The following RAB3C variants were observed in gnomAD, a reference collection of about 807,000 sequenced individuals.
The protein encoded by RAB3C is ras-related protein Rab-3C.
Under a neutral mutation model 26.4 loss-of-function variants are expected in RAB3C, and 17 were observed. That is an observed-to-expected ratio of 0.64 (90% CI 0.44 to 0.97). The LOEUF (loss-of-function observed/expected upper bound fraction) is 0.97. RAB3C is among the 50% of genes least tolerant of loss of function. RAB3C has a pLI of 0.00. For synonymous variants in RAB3C, 91 were observed against 95.9 expected, an observed-to-expected ratio of 0.95 and a Z score of 0.30; for missense variants, 242 against 281.9, an observed-to-expected ratio of 0.86 and a Z score of 1.01.
At chr5:58,817,516 T>C (rs1253027103) in intron 3 of RAB3C, among the ~76,000 whole-genome samples, 1 of 152,202 alleles carries the variant, frequency 6.6e-6, no homozygotes, top group East Asian at 1.9e-4. Context: ...TCTGGTTTCT[T>C]AGTATTACTC....
intron 2 of RAB3C, among the ~76,000 whole-genome samples, chr5:58,683,638 A>G (rs1748390175): frequency 6.6e-6 from 1 of 152,228 alleles, no homozygotes; most frequent in Non-Finnish European, 1.5e-5. Flanking sequence ...AAAAGTGTAA[A>G]TGGAAAATTC....
chr5:58,836,760 C>A (rs1051535688), intron 4 of RAB3C, among the ~76,000 whole-genome samples: 2 of 152,162 alleles, frequency 1.3e-5, no homozygotes, highest in African/African-American at 4.8e-5. Flanking sequence ...ATATACACCA[C>A]ATTTTTTAAT....
chr5:58,640,903 T>A (rs1747400556), intron 2 of RAB3C, among the ~76,000 whole-genome samples: 1 of 152,258 alleles, frequency 6.6e-6, no homozygotes. Context: ...ACAGTTTTAG[T>A]TGAGTTACCT....
chr5:58,747,635 G>T (rs1741427861), intron 3 of RAB3C, among the ~76,000 whole-genome samples: 1 of 151,894 alleles, frequency 6.6e-6, no homozygotes. Context: ...CTCTTACAAA[G>T]AAAATTGCAC....
intron 3 of RAB3C, among the ~76,000 whole-genome samples, chr5:58,818,719 C>T (rs1561141175): frequency 6.6e-6 from 1 of 152,190 alleles, no homozygotes. Flanking sequence ...CACATGTATA[C>T]TGTTTGGTGA....
Position 58,848,110 on chromosome 5 carries a change from C to G in RAB3C, c.497-3054C>G, listed in dbSNP as rs1744043606. On this transcript the variant is annotated intron_variant, in intron 4 of 4. Coordinates refer to ENST00000282878, the MANE Select transcript of RAB3C (RefSeq NM_138453.4). ...GACCTCGGTGATCCACCTGCCTCAG[C>G]CTCCAAAAGTGCTGGGATTACAGGC... Among the ~76,000 whole-genome samples, 3 of 152,310 alleles carry G rather than the reference C, an allele frequency of 2.0e-5. 1 individual carries two copies. In the South Asian group the frequency reaches 6.2e-4, roughly 32 times the overall value.
At chr5:58,734,651 C>G (rs937287443) in intron 3 of RAB3C, among the ~76,000 whole-genome samples, 1 of 152,186 alleles carries the variant, frequency 6.6e-6, no homozygotes, top group Non-Finnish European at 1.5e-5. Flanking sequence ...CACCCTGTTT[C>G]CTCCGTTGTC....
chr5:58,682,045 G>C (rs1748354538), intron 2 of RAB3C, among the ~76,000 whole-genome samples: 1 of 152,106 alleles, frequency 6.6e-6, no homozygotes. Context: ...AACTGATGTT[G>C]GCATTATCAA....
intron 2 of RAB3C, among the ~76,000 whole-genome samples, chr5:58,692,544 G>A (rs1748592089): frequency 6.6e-6 from 1 of 151,890 alleles, no homozygotes; most frequent in Non-Finnish European, 1.5e-5. Flanking sequence ...ATTCTCTTGA[G>A]TTTTGGCCCA....
At chr5:58,715,251 T>A (rs1304847236) in intron 2 of RAB3C, among the ~76,000 whole-genome samples, 1 of 151,960 alleles carries the variant, frequency 6.6e-6, no homozygotes. Flanking sequence ...TTCTTGAAGA[T>A]ACTACTAGCC....
At chr5:58,583,774 C>T (rs1452156463) in intron 1 of RAB3C, among the ~76,000 whole-genome samples, 1 of 152,156 alleles carries the variant, frequency 6.6e-6, no homozygotes, top group Non-Finnish European at 1.5e-5. Context: ...CGGGGCTTGG[C>T]ATATCCCTGA....
At chr5:58,655,419 G>C (rs1747748302) in intron 2 of RAB3C, among the ~76,000 whole-genome samples, 1 of 152,202 alleles carries the variant, frequency 6.6e-6, no homozygotes, top group African/African-American at 2.4e-5. Context: ...ATGGAGAAGA[G>C]ACAGAGAAAG....
chr5:58,698,993 G>A (rs539726933), intron 2 of RAB3C, among the ~76,000 whole-genome samples: 1 of 152,282 alleles, frequency 6.6e-6, no homozygotes, highest in Admixed American at 6.5e-5. Context: ...CGATCCTTTG[G>A]AGGAGAAGAG....
intron 2 of RAB3C, among the ~76,000 whole-genome samples, chr5:58,664,924 A>G (rs1747974500): frequency 6.6e-6 from 1 of 151,644 alleles, no homozygotes; most frequent in African/African-American, 2.4e-5. Flanking sequence ...TTTCTCAAAT[A>G]CTCCAAAGGT....
rs567931574 is a variant in RAB3C at position 58,855,962 on chromosome 5, C to A, written c.*4611C>A. 1 of 152,046 alleles carries A rather than the reference C, an allele frequency of 6.6e-6. No homozygotes were observed. The allele number at this position is 152,046 out of a possible 1,614,324, so 9.4% of individuals were successfully genotyped here. A position where few individuals can be genotyped will look rare whatever the true frequency, so the allele number is the denominator to read the frequency against. On this transcript the variant is annotated 3_prime_UTR_variant, in exon 5 of 5. Transcript: ENST00000282878. ...ATATTTACAGAAATGCTTGACACTC[C>A]GGTCAAATAATATTTCCCTTTGATA...
chr5:58,637,571 T>C (rs1265000009), intron 2 of RAB3C, among the ~76,000 whole-genome samples: 1 of 152,090 alleles, frequency 6.6e-6, no homozygotes, highest in Non-Finnish European at 1.5e-5. Flanking sequence ...ATATATTCCT[T>C]TGAAAGATAA....
At chr5:58,658,780 G>C (rs938197704) in intron 2 of RAB3C, among the ~76,000 whole-genome samples, 1 of 152,140 alleles carries the variant, frequency 6.6e-6, no homozygotes, top group African/African-American at 2.4e-5. Context: ...GGAGCAATAA[G>C]GCAATGGGGT....
intron 3 of RAB3C, among the ~76,000 whole-genome samples, chr5:58,754,599 C>T (rs1392375980): frequency 6.6e-6 from 1 of 152,122 alleles, no homozygotes; most frequent in Admixed American, 6.5e-5. Context: ...ACCCAGTTAC[C>T]CAGTTACCGC....
At chr5:58,680,185 A>T (rs1748317910) in intron 2 of RAB3C, among the ~76,000 whole-genome samples, 1 of 152,214 alleles carries the variant, frequency 6.6e-6, no homozygotes, top group African/African-American at 2.4e-5. Context: ...TTTTAAAAAA[A>T]ATGAGATAAC....
Sources: allele counts gnomAD v4.1 joint callset (sites outside exome capture counted in the v4.1 genomes callset), GRCh38; gene constraint gnomAD v4.1.1; transcripts MANE v1.5; gene names NCBI Gene and HGNC (gene_info 2026-07-23, HGNC 2026-07-21).